Variants in SAMTOR observed in about 807,000 individuals in gnomAD.
SAMTOR encodes S-adenosylmethionine sensor upstream of mTORC1.
At chr7:112,882,159 G>T in the SAMTOR span, among the ~76,000 whole-genome samples, 1 of 152,192 alleles carries the variant, frequency 6.6e-6, no homozygotes, top group Non-Finnish European at 1.5e-5. Context: ...CAGCTGGCAC[G>T]CCTGGCTGTG....
the SAMTOR span, among the ~76,000 whole-genome samples, chr7:112,862,432 TG>T: frequency 6.6e-6 from 1 of 152,338 alleles, no homozygotes; most frequent in Non-Finnish European, 1.5e-5. Context: ...ATTAACTCTA[TG>T]GTCCCTTCTC....
At chr7:112,905,273 G>C in the SAMTOR span, among the ~76,000 whole-genome samples, 2 of 152,144 alleles carry the variant, frequency 1.3e-5, no homozygotes, top group Non-Finnish European at 2.9e-5. Context: ...GCATGGTGCA[G>C]TATGTCCCCT....
chr7:112,856,493 A>G, the SAMTOR span, among the ~76,000 whole-genome samples: 1 of 151,960 alleles, frequency 6.6e-6, no homozygotes, highest in African/African-American at 2.4e-5. Context: ...CAGATGATCT[A>G]CCTGCCTCGG....
the SAMTOR span, among the ~76,000 whole-genome samples, chr7:112,902,053 A>T: frequency 6.6e-6 from 1 of 152,200 alleles, no homozygotes; most frequent in East Asian, 1.9e-4. Context: ...TACAAACTTT[A>T]TAATTCCAAC....
chr7:112,843,740 C>A, the SAMTOR span, among the ~76,000 whole-genome samples: 2 of 151,974 alleles, frequency 1.3e-5, no homozygotes, highest in Non-Finnish European at 1.5e-5. Flanking sequence ...ACCACTCCTA[C>A]TGAAACTATT....
the SAMTOR span, among the ~76,000 whole-genome samples, chr7:112,926,231 G>C: frequency 9.2e-5 from 14 of 152,290 alleles, no homozygotes; most frequent in African/African-American, 3.4e-4. Context: ...TGAGGACAAA[G>C]GGTGTGCTAT....
At chr7:112,820,102 A>G in the SAMTOR span, 1 of 152,540 alleles carries the variant, frequency 6.6e-6, no homozygotes, top group Non-Finnish European at 1.5e-5. Flanking sequence ...TTGAGCAACC[A>G]ATATTTATTG....
chr7:112,860,013 A>T, the SAMTOR span, among the ~76,000 whole-genome samples: 1 of 152,204 alleles, frequency 6.6e-6, no homozygotes. Flanking sequence ...CTAGTCCCGT[A>T]AGTTCCATTC....
chr7:112,933,641 T>C, the SAMTOR span, among the ~76,000 whole-genome samples: 1 of 152,216 alleles, frequency 6.6e-6, no homozygotes, highest in Non-Finnish European at 1.5e-5. Flanking sequence ...GAGCACATCC[T>C]TTAGTAAAGT....
At chr7:112,926,185 A>C in the SAMTOR span, among the ~76,000 whole-genome samples, 1 of 152,218 alleles carries the variant, frequency 6.6e-6, no homozygotes, top group Non-Finnish European at 1.5e-5. Flanking sequence ...TGTAAGGGCT[A>C]GTGAATCTGA....
At chr7:112,840,147 A>G in the SAMTOR span, among the ~76,000 whole-genome samples, 1 of 151,908 alleles carries the variant, frequency 6.6e-6, no homozygotes, top group Non-Finnish European at 1.5e-5. Context: ...GAGTCTGGGC[A>G]TTATGATTTT....
chr7:112,851,025 A>G, the SAMTOR span, among the ~76,000 whole-genome samples: 1,620 of 152,280 alleles, frequency 0.011, 30 homozygotes, highest in African/African-American at 0.037. Flanking sequence ...GGAGGTGAAA[A>G]GTCTCTACAA....
At chr7:112,888,899 A>G in the SAMTOR span, among the ~76,000 whole-genome samples, 5 of 152,184 alleles carry the variant, frequency 3.3e-5, no homozygotes, top group African/African-American at 4.8e-5. Flanking sequence ...GAGAGAGAGA[A>G]AGATTTCTCT....
At chr7:112,847,942 C>A in the SAMTOR span, among the ~76,000 whole-genome samples, 1 of 152,062 alleles carries the variant, frequency 6.6e-6, no homozygotes, top group Non-Finnish European at 1.5e-5. Context: ...AGTTCAAGAC[C>A]AGCACAGACC....
the SAMTOR span, among the ~76,000 whole-genome samples, chr7:112,904,631 G>T: frequency 6.6e-6 from 1 of 152,122 alleles, no homozygotes; most frequent in Non-Finnish European, 1.5e-5. Flanking sequence ...ATTAGAAAAT[G>T]AAGCAAAAGA....
the SAMTOR span, among the ~76,000 whole-genome samples, chr7:112,899,238 T>C: frequency 2.0e-5 from 3 of 151,950 alleles, no homozygotes; most frequent in African/African-American, 7.3e-5. Flanking sequence ...AACAAAGAGA[T>C]TAAAATAATT....
At chr7:112,902,371 G>A in the SAMTOR span, among the ~76,000 whole-genome samples, 1 of 137,800 alleles carries the variant, frequency 7.3e-6, no homozygotes, top group African/African-American at 2.7e-5. Context: ...AGCTGAGATC[G>A]CGGCATTGCA....
the SAMTOR span, chr7:112,939,521 A>T: frequency 2.9e-4 from 458 of 1,606,784 alleles, 3 homozygotes; most frequent in South Asian, 4.9e-3. Flanking sequence ...TCTTTGGAGG[A>T]GGGAAGAGGT....
At chr7:112,840,251 TTTTGCTAA>T in the SAMTOR span, among the ~76,000 whole-genome samples, 3 of 152,056 alleles carry the variant, frequency 2.0e-5, no homozygotes, top group Admixed American at 2.0e-4. Context: ...ATGTTTTTGA[TTTTGCTAA>T]TTTGAAAATT....
Sources: gnomAD v4.1 joint callset for allele counts (sites outside exome capture counted in the v4.1 genomes callset) on GRCh38, gnomAD v4.1.1 for gene constraint, MANE v1.5 for transcripts, NCBI Gene and HGNC (gene_info 2026-07-23, HGNC 2026-07-21) for gene names.